CDC42SE2: variants seen among roughly 807,000 people sequenced by gnomAD.
CDC42SE2 encodes the protein CDC42 small effector protein 2.
Under a neutral mutation model 11.5 loss-of-function variants are expected in CDC42SE2, and 3 were observed. The ratio of observed to expected loss-of-function variants is 0.26; its 90% CI spans 0.12 to 0.67. The LOEUF is 0.67. CDC42SE2 is among the 30% of genes least tolerant of loss of function. The pLI, the probability that CDC42SE2 is intolerant of heterozygous loss-of-function variation, is 0.80. For synonymous variants in CDC42SE2, 33 were observed against 34.8 expected (o/e 0.95, Z 0.18); for missense variants, 82 against 106.8 (o/e 0.77, Z 1.02).
chr5:131,309,924 G>T (rs1048903340), intron 1 of CDC42SE2, among the ~76,000 whole-genome samples: 1 of 151,584 alleles, frequency 6.6e-6, no homozygotes, highest in Non-Finnish European at 1.5e-5. Flanking sequence ...TTTTTTGAAG[G>T]GTTTTTTGTG....
At chr5:131,282,398 G>C (rs1757254455) in intron 1 of CDC42SE2, among the ~76,000 whole-genome samples, 1 of 152,160 alleles carries the variant, frequency 6.6e-6, no homozygotes, top group Non-Finnish European at 1.5e-5. Context: ...TTAAGGAATG[G>C]TGCTTGTTCA....
At chr5:131,336,702 AAG>A (rs1758572364) in intron 2 of CDC42SE2, among the ~76,000 whole-genome samples, 1 of 151,878 alleles carries the variant, frequency 6.6e-6, no homozygotes, top group South Asian at 2.1e-4. Flanking sequence ...ACTTCTCCTC[AAG>A]CTTCATTTCA....
At chr5:131,279,793 G>A (rs1757200616) in intron 1 of CDC42SE2, among the ~76,000 whole-genome samples, 1 of 152,104 alleles carries the variant, frequency 6.6e-6, no homozygotes, top group Non-Finnish European at 1.5e-5. Flanking sequence ...TCTGAGACTG[G>A]GCACAGTGGT....
the CDC42SE2 span, among the ~76,000 whole-genome samples, chr5:131,225,599 G>T: frequency 6.6e-6 from 1 of 152,182 alleles, no homozygotes; most frequent in Non-Finnish European, 1.5e-5. Flanking sequence ...AATGAAGCTT[G>T]GTCATTGACC....
chr5:131,389,094 C>A (rs1275746152), intron 4 of CDC42SE2, among the ~76,000 whole-genome samples: 3 of 152,078 alleles, frequency 2.0e-5, no homozygotes, highest in African/African-American at 7.2e-5. Context: ...CTTCGAACTC[C>A]CATAGTGTTG....
At chr5:131,336,931 C>T (rs1758580120) in intron 2 of CDC42SE2, among the ~76,000 whole-genome samples, 1 of 151,954 alleles carries the variant, frequency 6.6e-6, no homozygotes, top group East Asian at 1.9e-4. Flanking sequence ...TCCGTTAGCA[C>T]AGAGTAGTTT....
chr5:131,386,562 A>AG (rs1750493098), intron 4 of CDC42SE2, among the ~76,000 whole-genome samples: 1 of 152,208 alleles, frequency 6.6e-6, no homozygotes, highest in Admixed American at 6.5e-5. Context: ...CTTTTAATAG[A>AG]GGTTTCAGTG....
At chr5:131,350,969 A>G (rs1758994127) in intron 2 of CDC42SE2, among the ~76,000 whole-genome samples, 1 of 151,554 alleles carries the variant, frequency 6.6e-6, no homozygotes, top group Non-Finnish European at 1.5e-5. Flanking sequence ...ATTTTTAGAG[A>G]GGGTCTCACT....
At chr5:131,314,961 T>C (rs1024687781) in intron 1 of CDC42SE2, among the ~76,000 whole-genome samples, 11 of 152,320 alleles carry the variant, frequency 7.2e-5, no homozygotes, top group African/African-American at 2.6e-4. Context: ...TTTGTTTTTA[T>C]GACTGGAATT....
intron 1 of CDC42SE2, among the ~76,000 whole-genome samples, chr5:131,280,725 C>G (rs532890163): frequency 6.6e-6 from 1 of 152,040 alleles, no homozygotes; most frequent in Non-Finnish European, 1.5e-5. Context: ...AAATATGAGC[C>G]TGTAGATAAG....
intron 1 of CDC42SE2, among the ~76,000 whole-genome samples, chr5:131,273,315 C>T (rs1272827261): frequency 6.7e-6 from 1 of 149,560 alleles, no homozygotes; most frequent in Admixed American, 6.6e-5. Flanking sequence ...ATCACCACGC[C>T]CGGCTTATTT....
rs529795664 is a variant in CDC42SE2 at position 131,345,994 on chromosome 5, A to G, written c.-285-13215A>G. On this transcript the variant is annotated intron_variant, in intron 2 of 4. Transcript: ENST00000505065. The stretch of plus-strand genomic sequence containing the variant: ...AGGCCTCCCTTACAAGAGCTCCTGA[A>G]GGAAGCACTCAACATGGAAAGGAGC... Among the ~76,000 whole-genome samples the G allele has an allele frequency of 7.8e-3, 1,191 of 152,362 alleles. 8 individuals are homozygous for G. Among genetic ancestry groups the G allele is most frequent in the Non-Finnish European group, 0.012 (787 of 68,038 alleles).
chr5:131,231,506 G>C, the CDC42SE2 span, among the ~76,000 whole-genome samples: 1 of 152,204 alleles, frequency 6.6e-6, no homozygotes, highest in African/African-American at 2.4e-5. Flanking sequence ...GTTTCTTTCG[G>C]TCTGGGCCAG....
rs74972186 is a variant in CDC42SE2, at chr5:131,338,145, T to G, written c.-285-21064T>G. 2.0e-3 allele frequency among the ~76,000 whole-genome samples: 300 copies of G among 152,368 alleles called. 1 individual carries two copies. The highest frequency in any genetic ancestry group is 6.9e-3 in the African/African-American group (289 of 41,600). On this transcript the variant is annotated intron_variant, in intron 2 of 4. Coordinates refer to ENST00000505065, the MANE Select transcript of CDC42SE2 (RefSeq NM_001375635.1). ...AAAAAGTTATTATTTAGTAACTGTG[T>G]TATATATGAACAAGTAATCACCACC...
At chr5:131,272,042 A>G (rs547032821) in intron 1 of CDC42SE2, among the ~76,000 whole-genome samples, 2 of 152,122 alleles carry the variant, frequency 1.3e-5, no homozygotes, top group South Asian at 2.1e-4. Flanking sequence ...ATGGAGTCTC[A>G]CTGTGTCACT....
At chr5:131,294,993 G>A (rs1208881027) in intron 1 of CDC42SE2, among the ~76,000 whole-genome samples, 1 of 152,132 alleles carries the variant, frequency 6.6e-6, no homozygotes, top group Non-Finnish European at 1.5e-5. Context: ...CAGGCGTGAT[G>A]GCATGCACCT....
intron 1 of CDC42SE2, among the ~76,000 whole-genome samples, chr5:131,270,483 A>G (rs1291160865): frequency 6.6e-6 from 1 of 152,254 alleles, no homozygotes; most frequent in Non-Finnish European, 1.5e-5. Context: ...AATTTTGAGT[A>G]CATTCAACAT....
In CDC42SE2 at chr5:131,358,317, G is replaced by C. The variant is rs565967935; in HGVS notation, c.-285-892G>C. 1.5e-3 allele frequency among the ~76,000 whole-genome samples: 235 copies of C among 152,194 alleles called. 1 individual carries two copies. The highest frequency in any genetic ancestry group is 5.5e-3 in the African/African-American group (227 of 41,506). On this transcript the variant is annotated intron_variant, in intron 2 of 4. Coordinates refer to ENST00000505065, the MANE Select transcript of CDC42SE2 (RefSeq NM_001375635.1). ...TGTTGCCTTACAAAACCAAACGTCT[G>C]GTGCACAGGTGAAACTGATCTTAGG...
At chr5:131,216,909 G>A in the CDC42SE2 span, among the ~76,000 whole-genome samples, 2 of 152,166 alleles carry the variant, frequency 1.3e-5, no homozygotes, top group Non-Finnish European at 2.9e-5. Flanking sequence ...AGTTGATATT[G>A]ATTCACTCAG....
Sources: allele counts gnomAD v4.1 joint callset (sites outside exome capture counted in the v4.1 genomes callset), GRCh38; gene constraint gnomAD v4.1.1; transcripts MANE v1.5; gene names NCBI Gene and HGNC (gene_info 2026-07-23, HGNC 2026-07-21).